Variants in DLGAP2 observed in about 807,000 individuals in gnomAD.
DLGAP2 encodes DLG associated protein 2.
A neutral mutation model predicts 100.3 loss-of-function variants in DLGAP2; 26 were observed. The ratio of observed to expected loss-of-function variants is 0.26; its 90% CI spans 0.19 to 0.36. The LOEUF is 0.36. Ranked by LOEUF, DLGAP2 falls within the 10% of genes least tolerant of loss-of-function variation. DLGAP2 has a pLI of 1.00. For missense variants in DLGAP2, 1,858 were observed against 1,453.2 expected, an observed-to-expected ratio of 1.28 and a Z score of -4.53; for synonymous variants, 886 against 630.1, an observed-to-expected ratio of 1.41 and a Z score of -6.08.
intron 3 of DLGAP2, among the ~76,000 whole-genome samples, chr8:1,263,314 T>G (rs536649809): frequency 8.2e-4 from 125 of 152,362 alleles, no homozygotes; most frequent in Non-Finnish European, 1.5e-3. Context: ...GTAAGAGATT[T>G]TCTTTCTAAA....
At chr8:1,076,721 G>A (rs1237231707) in intron 2 of DLGAP2, among the ~76,000 whole-genome samples, 1 of 152,192 alleles carries the variant, frequency 6.6e-6, no homozygotes, top group African/African-American at 2.4e-5. Context: ...AGTGTCCTGG[G>A]CTGCCATAAC....
intron 4 of DLGAP2, among the ~76,000 whole-genome samples, chr8:1,527,733 G>A (rs557748527): frequency 1.3e-5 from 2 of 152,296 alleles, no homozygotes; most frequent in South Asian, 2.1e-4. Flanking sequence ...GGGCTGGCAC[G>A]AGGGGTCAAG....
chr8:1,512,616 G>A (rs1393919424), intron 4 of DLGAP2, among the ~76,000 whole-genome samples: 4 of 152,096 alleles, frequency 2.6e-5, no homozygotes, highest in South Asian at 2.1e-4. Context: ...GAGGCTGTCT[G>A]TTAAAAGCAA....
intron 3 of DLGAP2, among the ~76,000 whole-genome samples, chr8:1,267,439 G>A (rs1182680145): frequency 1.3e-5 from 2 of 149,800 alleles, no homozygotes; most frequent in Non-Finnish European, 1.5e-5. Flanking sequence ...GGCGGCGGGC[G>A]CCTGTAACCC....
intron 1 of DLGAP2, among the ~76,000 whole-genome samples, chr8:811,208 G>A (rs78824925): frequency 0.13 from 19,183 of 152,280 alleles, 1,391 homozygotes; most frequent in East Asian, 0.25. Flanking sequence ...CCGGAGAAGG[G>A]GCTTCTGGGA....
At chr8:994,034 T>C (rs1445066363) in intron 2 of DLGAP2, among the ~76,000 whole-genome samples, 1 of 152,158 alleles carries the variant, frequency 6.6e-6, no homozygotes, top group Non-Finnish European at 1.5e-5. Context: ...GCAGTGCACT[T>C]AAACCCAGCA....
intron 3 of DLGAP2, among the ~76,000 whole-genome samples, chr8:1,468,957 C>G (rs530415429): frequency 2.0e-5 from 3 of 152,314 alleles, no homozygotes; most frequent in African/African-American, 7.2e-5. Context: ...GTATTAGGAC[C>G]ACCTTCCCTC....
intron 2 of DLGAP2, among the ~76,000 whole-genome samples, chr8:1,134,000 C>T (rs185216545): frequency 1.1e-4 from 16 of 152,194 alleles, no homozygotes; most frequent in Non-Finnish European, 2.1e-4. Flanking sequence ...CCTCCTCCCC[C>T]CTCCACCTCC....
chr8:1,089,096 A>C lies in DLGAP2; in HGVS notation c.74-169755A>C, dbSNP rs151152094. On this transcript the variant is annotated intron_variant, in intron 2 of 14. Coordinates refer to ENST00000637795, the MANE Select transcript of DLGAP2 (RefSeq NM_001346810.2). The stretch of plus-strand genomic sequence containing the variant: ...CCACCCCTCGTCCAGCAGGCTATGC[A>C]ATTCTTGCTCCCCGGCCTCACTCTC... 7.3e-4 allele frequency among the ~76,000 whole-genome samples: 69 copies of C among 94,058 alleles called. 11 individuals carry two copies. Among genetic ancestry groups the C allele is most frequent in the African/African-American group, 1.2e-3 (25 of 20,858 alleles). 61.7% of individuals were successfully genotyped at this position (94,058 alleles called of 152,430 possible).
intron 8 of DLGAP2, among the ~76,000 whole-genome samples, chr8:1,650,497 G>T (rs1229425372): frequency 6.6e-6 from 1 of 152,242 alleles, no homozygotes; most frequent in Non-Finnish European, 1.5e-5. Flanking sequence ...CGATAAAACG[G>T]AGGTTTTATC....
intron 4 of DLGAP2, among the ~76,000 whole-genome samples, chr8:1,532,920 C>T (rs1046916453): frequency 6.6e-6 from 1 of 152,140 alleles, no homozygotes; most frequent in Non-Finnish European, 1.5e-5. Flanking sequence ...TTTCCACCTG[C>T]CGAGCACCAC....
At chr8:1,191,172 C>CT (rs1797625970) in intron 2 of DLGAP2, among the ~76,000 whole-genome samples, 2 of 130,520 alleles carry the variant, frequency 1.5e-5, no homozygotes, top group African/African-American at 5.5e-5. Context: ...TAAGTAGATA[C>CT]ATTTTTTTTT....
At chr8:1,592,425 G>A (rs1160066557) in intron 6 of DLGAP2, among the ~76,000 whole-genome samples, 1 of 151,866 alleles carries the variant, frequency 6.6e-6, no homozygotes, top group African/African-American at 2.4e-5. Flanking sequence ...CTTTACCCCT[G>A]TGTTTCTGCT....
rs536918856 is a variant in DLGAP2, at chr8:987,425, C to T, written c.73+79459C>T. On this transcript the variant is annotated intron_variant, in intron 2 of 14. Coordinates refer to ENST00000637795, the MANE Select transcript of DLGAP2 (RefSeq NM_001346810.2). ...GAGGCATCATCACCTCCCTTGGCTG[C>T]AGCCCATCCTGTTTTGAAGATCAGG... 2.0e-5 allele frequency among the ~76,000 whole-genome samples: 3 copies of T among 152,304 alleles called. No individual in the cohort carries two copies. In the South Asian group the frequency reaches 6.2e-4, roughly 32 times the overall value.
chr8:1,264,703 A>G (rs1020571716), intron 3 of DLGAP2, among the ~76,000 whole-genome samples: 2 of 152,194 alleles, frequency 1.3e-5, no homozygotes, highest in Non-Finnish European at 2.9e-5. Context: ...CCCACTTTAG[A>G]TAAACATACA....
intron 10 of DLGAP2, among the ~76,000 whole-genome samples, chr8:1,674,052 C>T (rs994123990): frequency 3.9e-5 from 6 of 152,078 alleles, no homozygotes; most frequent in Non-Finnish European, 8.8e-5. Flanking sequence ...ATCTTTAGAA[C>T]CATCTTTATT....
At chr8:779,065 A>T (rs1320351395) in intron 1 of DLGAP2, among the ~76,000 whole-genome samples, 1 of 152,260 alleles carries the variant, frequency 6.6e-6, no homozygotes, top group Non-Finnish European at 1.5e-5. Context: ...CAAGCCCGTC[A>T]GAAAAGCGCA....
intron 3 of DLGAP2, among the ~76,000 whole-genome samples, chr8:1,351,038 C>G (rs561841263): frequency 1.8e-4 from 8 of 44,134 alleles, no homozygotes; most frequent in East Asian, 1.2e-3. Flanking sequence ...CGGGTCCTGA[C>G]TGTGTGTGGA....
At chr8:1,256,241 T>A (rs374909072) in intron 2 of DLGAP2, among the ~76,000 whole-genome samples, 3,110 of 101,824 alleles carry the variant, frequency 0.031, 2 homozygotes, top group African/African-American at 0.12. Flanking sequence ...CCTGCCCGGG[T>A]GCTGTGTGTG....
Sources: gnomAD v4.1 joint callset for allele counts (sites outside exome capture counted in the v4.1 genomes callset) on GRCh38, gnomAD v4.1.1 for gene constraint, MANE v1.5 for transcripts, NCBI Gene and HGNC (gene_info 2026-07-23, HGNC 2026-07-21) for gene names.